Variants in PAIP2B observed in about 807,000 individuals in gnomAD.
PAIP2B encodes the protein poly(A) binding protein interacting protein 2B.
A neutral mutation model predicts 17.0 loss-of-function variants in PAIP2B; 13 were observed. That is an observed-to-expected ratio of 0.76 (90% confidence interval 0.50 to 1.22). PAIP2B has a LOEUF of 1.22. Among genes scored for constraint, PAIP2B ranks in the 50% most tolerant of loss-of-function variants. PAIP2B has a pLI of 0.00. For missense variants in PAIP2B, 117 were observed against 144.5 expected (o/e 0.81, Z 0.98); for synonymous variants, 43 against 48.7 (o/e 0.88, Z 0.48).
At chr2:71,200,107 T>C (rs548037902) in intron 2 of PAIP2B, among the ~76,000 whole-genome samples, 34 of 152,302 alleles carry the variant, frequency 2.2e-4, no homozygotes, top group East Asian at 1.7e-3. Flanking sequence ...GTAAGCTGTT[T>C]TCATCTTATT....
At chr2:71,198,265 C>A (rs914736240) in intron 2 of PAIP2B, among the ~76,000 whole-genome samples, 9 of 144,290 alleles carry the variant, frequency 6.2e-5, no homozygotes, top group East Asian at 2.0e-4. Flanking sequence ...GATACAGGTG[C>A]CTGCCACCAG....
At chr2:71,197,511 A>G (rs942869265) in intron 2 of PAIP2B, among the ~76,000 whole-genome samples, 6 of 152,140 alleles carry the variant, frequency 3.9e-5, no homozygotes, top group Non-Finnish European at 7.3e-5. Context: ...TCTTGTGTGG[A>G]ATCTTGCAGG....
chr2:71,187,986 G>A lies in PAIP2B; in HGVS notation c.*493C>T, dbSNP rs1297325997. Reference sequence around the variant, plus strand: ...GAGTTCATTGCAGGAGACCCCGGGGGTGGGGCAGCTGAGCCTCAAATTCCA... The same window carrying A: ...GAGTTCATTGCAGGAGACCCCGGGGATGGGGCAGCTGAGCCTCAAATTCCA... On this transcript the variant is annotated 3_prime_UTR_variant, in exon 4 of 4. Coordinates refer to ENST00000244221, the MANE Select transcript of PAIP2B (RefSeq NM_020459.1). 6.4e-6 allele frequency: 1 copy of A among 156,718 alleles called. No individual in the cohort carries two copies. The highest frequency in any genetic ancestry group is 1.4e-5 in the Non-Finnish European group (1 of 70,488). The allele number at this position is 156,718 out of a possible 1,614,324, so 9.7% of individuals were successfully genotyped here. A position where few individuals can be genotyped will look rare whatever the true frequency, so the allele number is the denominator to read the frequency against.
At chr2:71,225,958 C>A (rs751260285) in intron 1 of PAIP2B, among the ~76,000 whole-genome samples, 32 of 152,148 alleles carry the variant, frequency 2.1e-4, no homozygotes, top group Non-Finnish European at 4.0e-4. Context: ...AGTAGGGTAG[C>A]CAGGCCCTTA....
chr2:71,199,023 T>C (rs1674905278), intron 2 of PAIP2B, among the ~76,000 whole-genome samples: 1 of 152,204 alleles, frequency 6.6e-6, no homozygotes, highest in Admixed American at 6.5e-5. Flanking sequence ...CATAATCAAC[T>C]TAGTTGATAA....
rs918814095 is a variant in PAIP2B at position 71,184,595 on chromosome 2, T to G, written c.*3884A>C. ...CAAATTGTAACTAACCAAGTCTGTGTAGGAAATTCACAAGGCAGCAGAGCA... is the reference window on the plus strand; with the variant it reads ...CAAATTGTAACTAACCAAGTCTGTGGAGGAAATTCACAAGGCAGCAGAGCA... On this transcript the variant is annotated 3_prime_UTR_variant, in exon 4 of 4. Coordinates refer to ENST00000244221, the MANE Select transcript of PAIP2B (RefSeq NM_020459.1). The G allele has an allele frequency of 3.3e-5, 5 of 152,138 alleles. No homozygotes were observed. The highest frequency in any genetic ancestry group is 1.2e-4 in the African/African-American group (5 of 41,406). The allele number at this position is 152,138 out of a possible 1,614,324, so 9.4% of individuals were successfully genotyped here. A position where few individuals can be genotyped will look rare whatever the true frequency, so the allele number is the denominator to read the frequency against.
At chr2:71,197,478 A>G (rs1407016703) in intron 2 of PAIP2B, among the ~76,000 whole-genome samples, 2 of 152,088 alleles carry the variant, frequency 1.3e-5, no homozygotes, top group Admixed American at 6.5e-5. Flanking sequence ...AAGTCTGATG[A>G]TTATGTGTCT....
intron 1 of PAIP2B, among the ~76,000 whole-genome samples, chr2:71,208,324 G>A (rs1196133864): frequency 6.6e-6 from 1 of 152,120 alleles, no homozygotes; most frequent in Non-Finnish European, 1.5e-5. Context: ...CTCGGAGGCT[G>A]AGGCAGGAAA....
intron 1 of PAIP2B, among the ~76,000 whole-genome samples, chr2:71,212,294 T>C (rs892312097): frequency 1.2e-4 from 19 of 152,218 alleles, no homozygotes; most frequent in South Asian, 6.2e-4. Flanking sequence ...TGATTGTATG[T>C]ATATTTGAGA....
intron 1 of PAIP2B, among the ~76,000 whole-genome samples, chr2:71,222,072 A>G (rs999964924): frequency 2.6e-5 from 4 of 152,168 alleles, no homozygotes; most frequent in Non-Finnish European, 4.4e-5. Flanking sequence ...TCTTCACAAT[A>G]TACCTTGCTA....
At chr2:71,204,912 A>C (rs1418877307) in intron 1 of PAIP2B, among the ~76,000 whole-genome samples, 2 of 152,170 alleles carry the variant, frequency 1.3e-5, no homozygotes, top group African/African-American at 2.4e-5. Flanking sequence ...TAGCACACTG[A>C]TTTCTCACCA....
chr2:71,217,941 A>T (rs1675472498), intron 1 of PAIP2B, among the ~76,000 whole-genome samples: 1 of 152,100 alleles, frequency 6.6e-6, no homozygotes. Context: ...GGTGGTATAT[A>T]CCTGTAGTCC....
At position 71,189,627 on chromosome 2, in the gene PAIP2B, C is replaced by T. The variant is rs193120447; in HGVS notation, c.315+218G>A. The stretch of plus-strand genomic sequence containing the variant: ...GCGTCCAATCTTGGCAAGTAAAAAG[C>T]CCGTGATGCTGGCAACAGTAATGTT... On this transcript the variant is annotated intron_variant, in intron 3 of 3. Coordinates refer to ENST00000244221, the MANE Select transcript of PAIP2B (RefSeq NM_020459.1). Among the ~76,000 whole-genome samples, 590 of 152,286 alleles carry T rather than the reference C, an allele frequency of 3.9e-3. 5 individuals are homozygous for T. Among genetic ancestry groups the T allele is most frequent in the African/African-American group, 0.014 (571 of 41,564 alleles).
chr2:71,192,263 T>TC (rs1491348953), intron 2 of PAIP2B, among the ~76,000 whole-genome samples: 1 of 29,476 alleles, frequency 3.4e-5, no homozygotes, highest in Non-Finnish European at 9.2e-5. Context: ...AGATACTGCA[T>TC]TTTTTTTTTT....
chr2:71,195,904 T>C (rs999983828), intron 2 of PAIP2B, among the ~76,000 whole-genome samples: 7 of 152,228 alleles, frequency 4.6e-5, no homozygotes, highest in African/African-American at 1.7e-4. Flanking sequence ...CCCTAAGTGC[T>C]GGGACTATAG....
rs1263082264 is a variant in PAIP2B, at chr2:71,184,266, G to A, written c.*4213C>T. The A allele has an allele frequency of 6.6e-6, 1 of 152,192 alleles. No individual in the cohort carries two copies. Among genetic ancestry groups the A allele is most frequent in the African/African-American group, 2.4e-5 (1 of 41,444 alleles). 9.4% of individuals were successfully genotyped at this position (152,192 alleles called of 1,614,324 possible). Reference sequence around the variant, plus strand: ...AGGGAGCTTTTTCTTTTGAAATAAAGATGGTGCATCTGTCCCTTTACAGAT... The same window carrying A: ...AGGGAGCTTTTTCTTTTGAAATAAAAATGGTGCATCTGTCCCTTTACAGAT... On this transcript the variant is annotated 3_prime_UTR_variant, in exon 4 of 4. Coordinates refer to ENST00000244221, the MANE Select transcript of PAIP2B (RefSeq NM_020459.1).
chr2:71,208,943 G>T (rs1675217028), intron 1 of PAIP2B, among the ~76,000 whole-genome samples: 2 of 152,172 alleles, frequency 1.3e-5, no homozygotes, highest in Non-Finnish European at 2.9e-5. Flanking sequence ...TGGACTTCTG[G>T]CCTCCAGAAC....
rs869124496 is a variant in PAIP2B, at chr2:71,218,919, C to CT, written c.-12+8008dup. ...GAATTAAAGGTTTTTCTTTTTTTTT[C>CT]TTTTTTTTTTTTTTGAGATGGAGTC... is the stretch of plus-strand genomic sequence containing the variant. On this transcript the variant is annotated intron_variant, in intron 1 of 3. Coordinates refer to ENST00000244221, the MANE Select transcript of PAIP2B (RefSeq NM_020459.1). Among the ~76,000 whole-genome samples the CT allele has an allele frequency of 4.5e-3, 618 of 138,080 alleles. 1 individual carries two copies. Among genetic ancestry groups the CT allele is most frequent in the African/African-American group, 0.011 (412 of 37,768 alleles). The allele number at this position is 138,080 out of a possible 152,430, so 90.6% of individuals were successfully genotyped here.
chr2:71,189,032 G>C (rs1347615167), intron 3 of PAIP2B, among the ~76,000 whole-genome samples: 1 of 127,100 alleles, frequency 7.9e-6, no homozygotes, highest in Non-Finnish European at 1.6e-5. Context: ...TTTTGAGACA[G>C]TCTTGCTCTG....
Sources: allele counts gnomAD v4.1 joint callset (sites outside exome capture counted in the v4.1 genomes callset), GRCh38; gene constraint gnomAD v4.1.1; transcripts MANE v1.5; gene names NCBI Gene and HGNC (gene_info 2026-07-23, HGNC 2026-07-21).